LARGE1: variants seen among roughly 807,000 people sequenced by gnomAD.
LARGE1 encodes xylosyl- and glucuronyltransferase LARGE1.
LARGE1 carries 43 observed loss-of-function variants against 87.6 expected under a neutral mutation model. The observed-to-expected ratio is 0.49, with a 90% confidence interval of 0.38 to 0.63. The LOEUF (loss-of-function observed/expected upper bound fraction) is 0.63, where lower values mean the gene tolerates loss of function less well. LARGE1 is among the 30% of genes least tolerant of loss of function. The pLI is 0.00. For missense variants in LARGE1, 802 were observed against 1,000.2 expected, an observed-to-expected ratio of 0.80 and a Z score of 2.67; for synonymous variants, 434 against 394.6, an observed-to-expected ratio of 1.10 and a Z score of -1.18.
intron 4 of LARGE1, among the ~76,000 whole-genome samples, chr22:33,620,575 C>T (rs1324013404): frequency 6.6e-6 from 1 of 152,104 alleles, no homozygotes; most frequent in African/African-American, 2.4e-5. Context: ...TTCTTCTTCA[C>T]CATAGAGGTT....
intron 1 of LARGE1, among the ~76,000 whole-genome samples, chr22:33,912,436 G>T (rs2146967221): frequency 1.3e-5 from 2 of 152,270 alleles, no homozygotes; most frequent in Admixed American, 1.3e-4. Context: ...TAAATTCTAT[G>T]GCTACCATGG....
chr22:33,488,235 T>C (rs1381559119), intron 6 of LARGE1, among the ~76,000 whole-genome samples: 4 of 152,232 alleles, frequency 2.6e-5, no homozygotes, highest in Non-Finnish European at 1.5e-5. Flanking sequence ...CAGTTCTTTA[T>C]TCATGCCAGG....
intron 1 of LARGE1, among the ~76,000 whole-genome samples, chr22:33,797,007 G>A (rs981469864): frequency 4.6e-5 from 7 of 152,062 alleles, no homozygotes; most frequent in South Asian, 4.2e-4. Context: ...CAAGTGATCC[G>A]CCTGCCTCAG....
At chr22:33,375,546 TATC>T (rs1283350767) in intron 9 of LARGE1, among the ~76,000 whole-genome samples, 1 of 152,138 alleles carries the variant, frequency 6.6e-6, no homozygotes, top group African/African-American at 2.4e-5. Context: ...CAATTGGTTA[TATC>T]ATCAAGGCTT....
At chr22:33,844,663 C>T (rs1479804183) in intron 1 of LARGE1, among the ~76,000 whole-genome samples, 1 of 151,876 alleles carries the variant, frequency 6.6e-6, no homozygotes, top group Non-Finnish European at 1.5e-5. Flanking sequence ...TTGGGTATAT[C>T]ACCTCCCCTC....
At chr22:33,535,199 A>T (rs947205646) in intron 6 of LARGE1, among the ~76,000 whole-genome samples, 6 of 152,196 alleles carry the variant, frequency 3.9e-5, no homozygotes, top group African/African-American at 1.2e-4. Flanking sequence ...CTATCTGTGC[A>T]CAATGAAGTG....
chr22:33,277,393 T>C (rs539368060), intron 13 of LARGE1, 138 bp from the exon 14 acceptor site: 40 of 807,600 alleles, frequency 5.0e-5, no homozygotes, highest in African/African-American at 3.9e-4. Flanking sequence ...AAAAGCTATG[T>C]TGAAGTCCTA....
At chr22:33,832,665 C>T (rs1187369186) in intron 1 of LARGE1, among the ~76,000 whole-genome samples, 1 of 152,204 alleles carries the variant, frequency 6.6e-6, no homozygotes, top group African/African-American at 2.4e-5. Flanking sequence ...TAAGCTGCAG[C>T]CCCAGACTTG....
intron 6 of LARGE1, among the ~76,000 whole-genome samples, chr22:33,490,807 C>T (rs996625986): frequency 1.3e-5 from 2 of 152,238 alleles, no homozygotes; most frequent in Non-Finnish European, 2.9e-5. Flanking sequence ...AGGACTGACA[C>T]TTTAGTAGCT....
chr22:33,670,760 T>G (rs1270178143), intron 2 of LARGE1, among the ~76,000 whole-genome samples: 1 of 152,216 alleles, frequency 6.6e-6, no homozygotes, highest in Non-Finnish European at 1.5e-5. Flanking sequence ...TTCCAGAGTT[T>G]GAAAAATTGT....
intron 3 of LARGE1, among the ~76,000 whole-genome samples, chr22:33,627,188 C>T (rs1368998550): frequency 2.0e-5 from 3 of 152,204 alleles, no homozygotes; most frequent in Non-Finnish European, 4.4e-5. Context: ...AGCTACTGGG[C>T]GGGGCTGGCA....
At position 33,175,353 on chromosome 22, in the gene LARGE1, G is replaced by C. The variant is rs550172228; in HGVS notation, c.1731-8521C>G. ...TAAAGGGTATTCAAATAGGAAAAGA[G>C]GAACTCAAATTGTCTCTGTTTGCAG... On this transcript the variant is annotated intron_variant, in intron 11 of 11. Coordinates refer to the LARGE1 transcript ENST00000608642. 9.9e-5 allele frequency among the ~76,000 whole-genome samples: 15 copies of C among 152,280 alleles called. No individual in the cohort carries two copies. The East Asian group carries it at 2.9e-3, about 29-fold the overall frequency.
At chr22:33,331,731 C>T (rs1317860882) in intron 10 of LARGE1, among the ~76,000 whole-genome samples, 2 of 152,082 alleles carry the variant, frequency 1.3e-5, no homozygotes, top group Middle Eastern at 3.2e-3. Flanking sequence ...TTATAGTTCT[C>T]ACACTGACTT....
At chr22:33,659,982 T>C (rs1356857740) in intron 2 of LARGE1, among the ~76,000 whole-genome samples, 1 of 152,074 alleles carries the variant, frequency 6.6e-6, no homozygotes, top group Non-Finnish European at 1.5e-5. Context: ...AGACTACAAA[T>C]GCTTGAAGTG....
At chr22:33,718,082 G>A (rs1358811456) in intron 2 of LARGE1, among the ~76,000 whole-genome samples, 1 of 152,222 alleles carries the variant, frequency 6.6e-6, no homozygotes, top group African/African-American at 2.4e-5. Context: ...TTTCCATGTG[G>A]TTGCAGAAAA....
At chr22:33,120,446 TTCTC>T in the LARGE1 span, among the ~76,000 whole-genome samples, 35 of 148,528 alleles carry the variant, frequency 2.4e-4, no homozygotes, top group African/African-American at 5.7e-4. Flanking sequence ...CCTTCCTTCC[TTCTC>T]TCTCTCTCTC....
intron 1 of LARGE1, among the ~76,000 whole-genome samples, chr22:33,857,972 T>A (rs978139661): frequency 6.6e-6 from 1 of 152,242 alleles, no homozygotes; most frequent in Middle Eastern, 3.4e-3. Context: ...TGGCGGCCGG[T>A]CGCTTCCAAG....
chr22:33,585,065 C>G (rs147176816), intron 5 of LARGE1, among the ~76,000 whole-genome samples: 1 of 151,984 alleles, frequency 6.6e-6, no homozygotes, highest in Non-Finnish European at 1.5e-5. Context: ...TGCAGTGAGC[C>G]GAGATCGCAC....
At chr22:33,816,805 C>T (rs2086667416) in intron 1 of LARGE1, among the ~76,000 whole-genome samples, 1 of 152,018 alleles carries the variant, frequency 6.6e-6, no homozygotes, top group African/African-American at 2.4e-5. Flanking sequence ...TATCTGGCCA[C>T]CAAAATTAAT....
Sources: gnomAD v4.1 joint callset for allele counts (sites outside exome capture counted in the v4.1 genomes callset) on GRCh38, gnomAD v4.1.1 for gene constraint, MANE v1.5 for transcripts, NCBI Gene and HGNC (gene_info 2026-07-23, HGNC 2026-07-21) for gene names.